NRXN1: variants seen among roughly 807,000 people sequenced by gnomAD.
NRXN1 encodes the protein neurexin 1.
A neutral mutation model predicts 150.9 loss-of-function variants in NRXN1; 39 were observed. The ratio of observed to expected loss-of-function variants is 0.26; its 90% CI spans 0.20 to 0.34. The LOEUF (loss-of-function observed/expected upper bound fraction) is 0.34, where lower values mean the gene tolerates loss of function less well. NRXN1 is among the 10% of genes least tolerant of loss of function. The probability of loss-of-function intolerance (pLI) is 1.00; values close to 1 mark genes in which losing one functional copy is unlikely to be tolerated. For missense variants in NRXN1, 1,815 were observed against 1,949.9 expected, an observed-to-expected ratio of 0.93 and a Z score of 1.30; for synonymous variants, 924 against 757.0, an observed-to-expected ratio of 1.22 and a Z score of -3.62.
chr2:50,814,276 T>C (rs1286695517), intron 5 of NRXN1, among the ~76,000 whole-genome samples: 1 of 152,088 alleles, frequency 6.6e-6, no homozygotes, highest in Non-Finnish European at 1.5e-5. Flanking sequence ...GGATTACAGA[T>C]GTGAGCTGCC....
chr2:50,912,651 T>C (rs1009174402), intron 5 of NRXN1, among the ~76,000 whole-genome samples: 1 of 151,690 alleles, frequency 6.6e-6, no homozygotes, highest in South Asian at 2.1e-4. Flanking sequence ...TTTGCACTGA[T>C]GTTTGAGCAA....
intron 15 of NRXN1, among the ~76,000 whole-genome samples, chr2:50,495,377 T>TG (rs1465730181): frequency 4.3e-3 from 29 of 6,688 alleles, no homozygotes; most frequent in Admixed American, 0.014. Flanking sequence ...TGTGTGTGTG[T>TG]GTGGTGTGTG....
chr2:50,228,014 G>T (rs2064564384), intron 18 of NRXN1, among the ~76,000 whole-genome samples: 1 of 151,966 alleles, frequency 6.6e-6, no homozygotes, highest in African/African-American at 2.4e-5. Flanking sequence ...TGCTTCTGAT[G>T]GAAAATTTAG....
chr2:50,257,990 A>C (rs2152906962), intron 17 of NRXN1, among the ~76,000 whole-genome samples: 1 of 152,144 alleles, frequency 6.6e-6, no homozygotes, highest in Admixed American at 6.6e-5. Context: ...CAAACAATGT[A>C]TATAACTTAA....
intron 21 of NRXN1, among the ~76,000 whole-genome samples, chr2:49,995,375 TC>T (rs1324527658): frequency 6.6e-6 from 1 of 152,240 alleles, no homozygotes; most frequent in Admixed American, 6.5e-5. Flanking sequence ...TTTCCTCTTT[TC>T]TGAGCCCTAA....
chr2:50,221,893 T>C (rs938764973), intron 18 of NRXN1, among the ~76,000 whole-genome samples: 1 of 152,046 alleles, frequency 6.6e-6, no homozygotes, highest in Admixed American at 6.6e-5. Flanking sequence ...CTAAACACTT[T>C]ATAGCAGAAT....
Position 50,495,980 on chromosome 2 carries a change from T to G in NRXN1, c.2995A>C (p.Asn999His), listed in dbSNP as rs752853485. 2 of 1,613,550 alleles carry G rather than the reference T, an allele frequency of 1.2e-6. No individual in the cohort carries two copies. Among genetic ancestry groups the G allele is most frequent in the Non-Finnish European group, 1.7e-6 (2 of 1,179,756 alleles). ...GTGTCAATCTTTACAGTGTGGAGGT[T>G]GCTGGTGTCCCTTGATATCATCACG... Reference protein sequence around the residue: ...HNVMISRDTSNLHTVKIDTKI... With the variant: ...HNVMISRDTSHLHTVKIDTKI... The change falls in exon 15 of 23, where the codon AAC becomes CAC. Residue 999 changes from asparagine (N) to histidine (H), a missense_variant. Asn to His is a moderately conservative substitution (Grantham distance 68). This residue lies in a region of NRXN1 where 339 missense variants were observed against 440.3 expected (regional missense o/e 0.77). Coordinates refer to ENST00000401669, the MANE Select transcript of NRXN1 (RefSeq NM_001330078.2).
At chr2:50,532,939 T>C (rs1412898969) in intron 10 of NRXN1, among the ~76,000 whole-genome samples, 1 of 152,178 alleles carries the variant, frequency 6.6e-6, no homozygotes, top group African/African-American at 2.4e-5. Context: ...GGAATTAAAA[T>C]GAACCAGGAA....
chr2:50,170,115 T>C (rs1488872081), intron 18 of NRXN1, among the ~76,000 whole-genome samples: 5 of 151,336 alleles, frequency 3.3e-5, no homozygotes, highest in African/African-American at 1.2e-4. Context: ...ACATGTTATT[T>C]ATAATACGTC....
chr2:50,213,321 A>C (rs1180329996), intron 18 of NRXN1, among the ~76,000 whole-genome samples: 1 of 151,984 alleles, frequency 6.6e-6, no homozygotes, highest in Non-Finnish European at 1.5e-5. Flanking sequence ...TGATACTTTA[A>C]ATATTGAATA....
At chr2:50,194,421 T>C (rs1020822913) in intron 18 of NRXN1, among the ~76,000 whole-genome samples, 4 of 152,188 alleles carry the variant, frequency 2.6e-5, no homozygotes, top group African/African-American at 4.8e-5. Context: ...TACAAATTCA[T>C]AAATTCTAGC....
intron 19 of NRXN1, among the ~76,000 whole-genome samples, chr2:50,071,248 T>C (rs1696253986): frequency 6.6e-6 from 1 of 152,210 alleles, no homozygotes; most frequent in Non-Finnish European, 1.5e-5. Context: ...TTGACTTCAT[T>C]GAAAATAAGC....
chr2:50,128,854 G>T (rs1274016778), intron 18 of NRXN1, among the ~76,000 whole-genome samples: 1 of 151,604 alleles, frequency 6.6e-6, no homozygotes, highest in Admixed American at 6.6e-5. Context: ...ATGGTGGCGG[G>T]CGCCTGTAAT....
intron 9 of NRXN1, chr2:50,551,268 G>A (rs925873896): frequency 6.6e-6 from 1 of 152,014 alleles, no homozygotes; most frequent in Non-Finnish European, 1.5e-5. Flanking sequence ...AATGGGTTCT[G>A]ACCTTCCTTC....
rs1475665524 is a variant in NRXN1 at position 50,871,162 on chromosome 2, G to A, written c.832+50707C>T. ...GAAACAATAAAAAATAGAGATCTAC[G>A]GAATTTATCTGAAGTTTTTGCTCAG... On this transcript the variant is annotated intron_variant, in intron 5 of 22. Coordinates refer to ENST00000401669, the MANE Select transcript of NRXN1 (RefSeq NM_001330078.2). Among the ~76,000 whole-genome samples, 4 of 151,754 alleles carry A rather than the reference G, an allele frequency of 2.6e-5. 1 individual carries two copies. The highest frequency in any genetic ancestry group is 2.1e-4 in the South Asian group (1 of 4,824).
intron 5 of NRXN1, chr2:50,829,603 T>C: frequency 6.2e-7 from 1 of 1,612,020 alleles, no homozygotes; most frequent in Non-Finnish European, 8.5e-7. Flanking sequence ...CTGGAGAGCC[T>C]TGAATATTTC....
intron 17 of NRXN1, among the ~76,000 whole-genome samples, chr2:50,342,670 G>T (rs1221644154): frequency 6.6e-6 from 1 of 152,198 alleles, no homozygotes; most frequent in Non-Finnish European, 1.5e-5. Flanking sequence ...GTGCATTATT[G>T]TTAAAACATG....
intron 5 of NRXN1, among the ~76,000 whole-genome samples, chr2:50,877,683 AT>A (rs1574800493): frequency 6.6e-6 from 1 of 151,954 alleles, no homozygotes; most frequent in Non-Finnish European, 1.5e-5. Context: ...CATTAATAGT[AT>A]TTGAATGGTA....
At chr2:50,059,586 T>C (rs1694182319) in intron 19 of NRXN1, among the ~76,000 whole-genome samples, 1 of 152,074 alleles carries the variant, frequency 6.6e-6, no homozygotes, top group Non-Finnish European at 1.5e-5. Context: ...ACGAGGAAAA[T>C]GTCTCCAGAG....
Sources: gnomAD v4.1 joint callset for allele counts (sites outside exome capture counted in the v4.1 genomes callset) on GRCh38, gnomAD v4.1.1 for gene constraint, gnomAD v4.1.1 regional missense constraint, MANE v1.5 for transcripts, NCBI Gene and HGNC (gene_info 2026-07-23, HGNC 2026-07-21) for gene names.